Variants in GBF1 observed in about 807,000 individuals in gnomAD.
GBF1 encodes the protein golgi brefeldin A resistant guanine nucleotide exchange factor 1.
A neutral mutation model predicts 210.5 loss-of-function variants in GBF1; 114 were observed. The ratio of observed to expected loss-of-function variants is 0.54; its 90% CI spans 0.47 to 0.63. GBF1 has a LOEUF of 0.63. GBF1 is among the 30% of genes least tolerant of loss of function. The pLI, the probability that GBF1 is intolerant of heterozygous loss-of-function variation, is 0.00. For synonymous variants in GBF1, 850 were observed against 889.2 expected, an observed-to-expected ratio of 0.96 and a Z score of 0.78; for missense variants, 1,851 against 2,357.7, an observed-to-expected ratio of 0.79 and a Z score of 4.45.
chr10:102,296,222 A>G (rs1425425960), intron 3 of GBF1, among the ~76,000 whole-genome samples: 2 of 152,202 alleles, frequency 1.3e-5, no homozygotes, highest in African/African-American at 4.8e-5. Flanking sequence ...CTGATTCCCC[A>G]TTCATTGCTG....
intron 3 of GBF1, among the ~76,000 whole-genome samples, chr10:102,293,530 G>A (rs1484403334): frequency 6.6e-6 from 1 of 152,050 alleles, no homozygotes; most frequent in Middle Eastern, 3.4e-3. Context: ...TATTATCATA[G>A]GAGATGACAG....
At chr10:102,361,979 G>A (rs1478358372) in intron 14 of GBF1, 67 bp downstream of exon 14, 3 of 873,850 alleles carry the variant, frequency 3.4e-6, no homozygotes, top group Non-Finnish European at 5.1e-6. Context: ...TGGTGGTAGT[G>A]AGGATGTTAC....
intron 3 of GBF1, among the ~76,000 whole-genome samples, chr10:102,265,238 A>G (rs2073733396): frequency 6.6e-6 from 1 of 152,212 alleles, no homozygotes; most frequent in African/African-American, 2.4e-5. Flanking sequence ...AAAGGGCTAT[A>G]GTCAGTTGTG....
chr10:102,286,191 A>C (rs1271082302), intron 3 of GBF1, among the ~76,000 whole-genome samples: 4 of 114,134 alleles, frequency 3.5e-5, no homozygotes, highest in Non-Finnish European at 7.2e-5. Flanking sequence ...TAAAAGCATA[A>C]GGGTTTTTTT....
At position 102,363,660 on chromosome 10, in the gene GBF1, G is replaced by A; in HGVS notation, c.2018-50G>A. The A allele has an allele frequency of 1.6e-6, 2 of 1,219,392 alleles. No individual in the cohort carries two copies. The highest frequency in any genetic ancestry group is 2.4e-6 in the Non-Finnish European group (2 of 821,444). The allele number at this position is 1,219,392 out of a possible 1,614,324, so 75.5% of individuals were successfully genotyped here. ...GTGACCTTCCAAAAGTCCTTATCTG[G>A]GTAAAAAAAGGTGTTACAGATATTT... is the stretch of plus-strand genomic sequence containing the variant. On this transcript the variant is annotated intron_variant, in intron 16 of 39. Coordinates refer to ENST00000369983, the MANE Select transcript of GBF1 (RefSeq NM_001377137.1). The surrounding 1 kb of genome is among the most constrained non-coding windows in gnomAD (Gnocchi z 4.2).
the GBF1 span, among the ~76,000 whole-genome samples, chr10:102,239,935 CCT>C: frequency 6.6e-6 from 1 of 152,248 alleles, no homozygotes; most frequent in African/African-American, 2.4e-5. Flanking sequence ...CAGATAGCCC[CCT>C]GTTGGACTCC....
At chr10:102,318,480 G>A (rs779388865) in intron 3 of GBF1, among the ~76,000 whole-genome samples, 1 of 151,844 alleles carries the variant, frequency 6.6e-6, no homozygotes, top group African/African-American at 2.4e-5. Flanking sequence ...CATGAGCACC[G>A]TGCCCAGTGG....
intron 3 of GBF1, among the ~76,000 whole-genome samples, chr10:102,283,288 G>T (rs1432085052): frequency 6.6e-6 from 1 of 152,202 alleles, no homozygotes; most frequent in Non-Finnish European, 1.5e-5. Flanking sequence ...TAGAAGCTGT[G>T]TTTGGACCCT....
chr10:102,365,572 A>C lies in GBF1; in HGVS notation c.2282A>C (p.Asn761Thr), dbSNP rs757036735. 1 of 1,614,138 alleles carries C rather than the reference A, an allele frequency of 6.2e-7. No individual in the cohort carries two copies. The highest frequency in any genetic ancestry group is 1.3e-5 in the African/African-American group (1 of 75,030). ...GGAGAGTTTGTGAGTGACCGCAAAAACATTGACCTGTTGGAGAGCTTTGTG... is the reference window on the plus strand; with the variant it reads ...GGAGAGTTTGTGAGTGACCGCAAAACCATTGACCTGTTGGAGAGCTTTGTG... ...MIGEFVSDRKNIDLLESFVST... is the reference protein window; with the variant it reads ...MIGEFVSDRKTIDLLESFVST... The change falls in exon 18 of 40, where the codon AAC (asparagine) becomes ACC (threonine). Residue 761 changes from asparagine to threonine, a missense_variant. Physicochemically the swap from Asn to Thr is moderately conservative, Grantham distance 65. Transcript: ENST00000369983.
chr10:102,375,592 C>G lies in GBF1; in HGVS notation c.3886+8C>G, dbSNP rs1275061125. The G allele has an allele frequency of 6.3e-7, 1 of 1,584,202 alleles. No individual in the cohort carries two copies. ...CAGATGCACCTGATGCCGGTAAGCC[C>G]TTTCCCAGGGAGACTCAGGCTGGCA... On this transcript the variant is annotated splice_region_variant and intron_variant, in intron 30 of 39. Coordinates refer to ENST00000369983, the MANE Select transcript of GBF1 (RefSeq NM_001377137.1).
chr10:102,334,393 T>C (rs2057568258), intron 3 of GBF1, among the ~76,000 whole-genome samples: 1 of 152,240 alleles, frequency 6.6e-6, no homozygotes, highest in South Asian at 2.1e-4. Context: ...AAAAGGCTGC[T>C]GCGGCCTGGA....
In GBF1 at chr10:102,294,386, C is replaced by CTT. The variant is rs56033220; in HGVS notation, c.163+34282_163+34283dup. ...TTGCCATTTTCTTTTTTTTCTTTTT[C>CTT]TTTTTTTTTTTTTGAGACAGAGTCT... On this transcript the variant is annotated intron_variant, in intron 3 of 39. Transcript: ENST00000369983. Among the ~76,000 whole-genome samples, 234 of 140,822 alleles carry CTT rather than the reference C, an allele frequency of 1.7e-3. 1 individual carries two copies. The East Asian group carries it at 0.021, about 12-fold the overall frequency. The allele number at this position is 140,822 out of a possible 152,430, so 92.4% of individuals were successfully genotyped here.
chr10:102,368,676 G>A (rs2060040590), intron 22 of GBF1, 63 bp from the exon 23 acceptor site: 23 of 1,156,994 alleles, frequency 2.0e-5, no homozygotes, highest in Non-Finnish European at 2.9e-5. Context: ...CAAGCTCAGG[G>A]ACTTGGAAGG....
At position 102,365,574 on chromosome 10, in the gene GBF1, A is replaced by T. The variant is rs1268353372; in HGVS notation, c.2284A>T (p.Ile762Phe). ...AGAGTTTGTGAGTGACCGCAAAAAC[A>T]TTGACCTGTTGGAGAGCTTTGTGAG... Reference protein sequence around the residue: ...IGEFVSDRKNIDLLESFVSTF... With the variant: ...IGEFVSDRKNFDLLESFVSTF... Residue 762 changes from isoleucine (I) to phenylalanine (F), a missense_variant, in exon 18 of 40, where the codon ATT becomes TTT. Physicochemically the swap from Ile to Phe is conservative, Grantham distance 21 (BLOSUM62 0). Coordinates refer to ENST00000369983, the MANE Select transcript of GBF1 (RefSeq NM_001377137.1). The T allele has an allele frequency of 6.2e-7, 1 of 1,614,026 alleles. No individual in the cohort carries two copies. The highest frequency in any genetic ancestry group is 8.5e-7 in the Non-Finnish European group (1 of 1,179,990).
chr10:102,327,041 A>G (rs762269515), intron 3 of GBF1, among the ~76,000 whole-genome samples: 4 of 152,302 alleles, frequency 2.6e-5, no homozygotes, highest in Non-Finnish European at 5.9e-5. Flanking sequence ...GTCACAGCAT[A>G]TACACTATTA....
At chr10:102,282,787 T>C (rs1265927149) in intron 3 of GBF1, among the ~76,000 whole-genome samples, 5 of 152,152 alleles carry the variant, frequency 3.3e-5, no homozygotes, top group Admixed American at 1.3e-4. Flanking sequence ...TATCTGGGAA[T>C]AGGAACATGA....
chr10:102,381,814 C>A (rs1199747648), intron 39 of GBF1, among the ~76,000 whole-genome samples: 16 of 130,038 alleles, frequency 1.2e-4, no homozygotes, highest in African/African-American at 4.5e-4. Flanking sequence ...GATAGTGAGA[C>A]CCTGTCGCGA....
intron 4 of GBF1, among the ~76,000 whole-genome samples, chr10:102,345,828 A>G (rs1263891448): frequency 6.6e-6 from 1 of 152,066 alleles, no homozygotes; most frequent in South Asian, 2.1e-4. Context: ...AGCCGTCACC[A>G]CCATCTATTT....
At chr10:102,341,949 C>T (rs1334212915) in intron 3 of GBF1, among the ~76,000 whole-genome samples, 2 of 152,092 alleles carry the variant, frequency 1.3e-5, no homozygotes, top group East Asian at 1.9e-4. Flanking sequence ...AAATATACCT[C>T]ATGACCACTT....
Sources: allele counts gnomAD v4.1 joint callset (sites outside exome capture counted in the v4.1 genomes callset), GRCh38; gene constraint gnomAD v4.1.1; non-coding constraint Gnocchi (gnomAD v3.1); transcripts MANE v1.5; gene names NCBI Gene and HGNC (gene_info 2026-07-23, HGNC 2026-07-21).